CNOT10: variants seen among roughly 807,000 people sequenced by gnomAD.
CNOT10 encodes CCR4-NOT transcription complex subunit 10.
CNOT10 carries 30 observed loss-of-function variants against 94.6 expected under a neutral mutation model. That is an observed-to-expected ratio of 0.32 (90% CI 0.24 to 0.43). The LOEUF (loss-of-function observed/expected upper bound fraction) is 0.43, where lower values mean the gene tolerates loss of function less well. Ranked by LOEUF, CNOT10 falls within the 20% of genes least tolerant of loss-of-function variation. The pLI, the probability that CNOT10 is intolerant of heterozygous loss-of-function variation, is 1.00. For missense variants in CNOT10, 759 were observed against 877.2 expected (o/e 0.87, Z 1.70); for synonymous variants, 289 against 301.6 (o/e 0.96, Z 0.43).
intron 1 of CNOT10, among the ~76,000 whole-genome samples, chr3:32,703,199 C>T: frequency 6.6e-6 from 1 of 150,850 alleles, no homozygotes; most frequent in Non-Finnish European, 1.5e-5. Flanking sequence ...GCTGGGATTA[C>T]AGGCGTGAGC....
At chr3:32,701,468 C>T (rs922727969) in intron 1 of CNOT10, among the ~76,000 whole-genome samples, 2 of 152,082 alleles carry the variant, frequency 1.3e-5, no homozygotes, top group African/African-American at 4.8e-5. Flanking sequence ...GTGTCCCCAA[C>T]CAAATCTCAT....
chr3:32,727,538 C>A, intron 9 of CNOT10, 130 bp from the exon 10 acceptor site: 1 of 649,446 alleles, frequency 1.5e-6, no homozygotes, highest in Non-Finnish European at 2.7e-6. Flanking sequence ...TTGGCGAGAG[C>A]TATTAAAACT....
In CNOT10 at chr3:32,725,573, A is replaced by T; in HGVS notation, c.986A>T (p.Gln329Leu). ...ALQENDNVCA[Q>L]LSAGSTDPGK... ...CAAGAGAATGACAATGTCTGTGCAC[A>T]GCTCAGTGCAGGTAGCACTGATCCA... Residue 329 changes from glutamine (Q) to leucine (L), a missense_variant, in exon 9 of 19, where the codon CAG becomes CTG. Coordinates refer to ENST00000328834, the MANE Select transcript of CNOT10 (RefSeq NM_015442.3). 6.2e-7 allele frequency: 1 copy of T among 1,614,112 alleles called. No homozygotes were observed. The highest frequency in any genetic ancestry group is 1.3e-5 in the African/African-American group (1 of 75,070).
chr3:32,740,639 G>T (rs1699419753), intron 13 of CNOT10, among the ~76,000 whole-genome samples: 1 of 151,944 alleles, frequency 6.6e-6, no homozygotes, highest in Admixed American at 6.6e-5. Flanking sequence ...GAGGCGGGTG[G>T]ATCACAAGGT....
At chr3:32,722,920 C>G (rs1698488814) in intron 8 of CNOT10, among the ~76,000 whole-genome samples, 1 of 152,098 alleles carries the variant, frequency 6.6e-6, no homozygotes, top group Admixed American at 6.6e-5. Flanking sequence ...CCACCGAGCT[C>G]AGTCTAGTTT....
chr3:32,713,467 TTAA>T, intron 5 of CNOT10, 98 bp downstream of exon 5: 4 of 952,614 alleles, frequency 4.2e-6, no homozygotes, highest in South Asian at 1.6e-5. Flanking sequence ...TAAAATATGA[TTAA>T]TGTTTGTGGT....
intron 8 of CNOT10, among the ~76,000 whole-genome samples, chr3:32,723,324 A>G (rs1400363405): frequency 6.6e-6 from 1 of 151,780 alleles, no homozygotes; most frequent in African/African-American, 2.4e-5. Context: ...CCCGGGAGGC[A>G]GAGGTTGCAG....
chr3:32,738,068 A>G (rs1194804633), intron 13 of CNOT10, among the ~76,000 whole-genome samples: 3 of 152,188 alleles, frequency 2.0e-5, no homozygotes, highest in Middle Eastern at 3.2e-3. Context: ...TATGCTGACC[A>G]TATAAATGAG....
intron 14 of CNOT10, among the ~76,000 whole-genome samples, chr3:32,761,281 C>T (rs1468880288): frequency 2.0e-5 from 3 of 152,186 alleles, no homozygotes; most frequent in Non-Finnish European, 4.4e-5. Context: ...TTTGGGTTGC[C>T]TCTAAAGTAC....
At position 32,716,181 on chromosome 3, in the gene CNOT10, C is replaced by A. The variant is rs1698110517; in HGVS notation, c.574-44C>A. ...GGAAATCACTGATTTAAATTATGGT[C>A]AAAAATATTTAATTTTGATAAACTT... On this transcript the variant is annotated intron_variant, in intron 5 of 18. Coordinates refer to ENST00000328834, the MANE Select transcript of CNOT10 (RefSeq NM_015442.3). 3.7e-6 allele frequency: 4 copies of A among 1,079,288 alleles called. No individual in the cohort carries two copies. The South Asian group carries it at 4.9e-5, about 13-fold the overall frequency. The allele number at this position is 1,079,288 out of a possible 1,614,324, so 66.9% of individuals were successfully genotyped here. A position where few individuals can be genotyped will look rare whatever the true frequency, so the allele number is the denominator to read the frequency against.
At chr3:32,760,179 CAAA>C (rs376621393) in intron 14 of CNOT10, among the ~76,000 whole-genome samples, 3 of 133,368 alleles carry the variant, frequency 2.2e-5, no homozygotes. Context: ...GACTCTGTCT[CAAA>C]AAAAAAAAAA....
chr3:32,753,485 C>T, intron 13 of CNOT10: 2 of 1,561,926 alleles, frequency 1.3e-6, no homozygotes, highest in South Asian at 2.2e-5. Context: ...GAACTTCATC[C>T]TATAATACCA....
intron 4 of CNOT10, among the ~76,000 whole-genome samples, chr3:32,712,186 A>G (rs536623452): frequency 1.9e-4 from 28 of 144,360 alleles, no homozygotes; most frequent in African/African-American, 5.2e-4. Flanking sequence ...TTCCATCTCC[A>G]TGACCTAGAA....
In CNOT10 at chr3:32,716,370, A is replaced by G. The variant is rs144659723; in HGVS notation, c.660+59A>G. 4,575 of 814,288 alleles carry G rather than the reference A, an allele frequency of 5.6e-3. 37 individuals carry two copies. Among genetic ancestry groups the G allele is most frequent in the Middle Eastern group, 0.015 (66 of 4,356 alleles). The allele number at this position is 814,288 out of a possible 1,614,324, so 50.4% of individuals were successfully genotyped here. A position where few individuals can be genotyped will look rare whatever the true frequency, so the allele number is the denominator to read the frequency against. ...CATATATTTAATTGTAGTTATGACA[A>G]ATGAAGCAATGAGATAGATCATTGG... On this transcript the variant is annotated intron_variant, in intron 6 of 18. Transcript: ENST00000328834.
intron 4 of CNOT10, among the ~76,000 whole-genome samples, chr3:32,712,597 A>G (rs758446178): frequency 6.6e-6 from 1 of 152,140 alleles, no homozygotes; most frequent in Non-Finnish European, 1.5e-5. Flanking sequence ...CTGTAATCCT[A>G]TCCTTTGTGA....
intron 13 of CNOT10, among the ~76,000 whole-genome samples, chr3:32,746,028 G>A (rs1699682206): frequency 6.6e-6 from 1 of 152,170 alleles, no homozygotes; most frequent in Non-Finnish European, 1.5e-5. Context: ...AGTTAACATG[G>A]ATGAATCTCA....
chr3:32,717,404 T>A (rs75168073), intron 7 of CNOT10, among the ~76,000 whole-genome samples, 167 bp downstream of exon 7: 1 of 128,946 alleles, frequency 7.8e-6, no homozygotes, highest in Non-Finnish European at 1.7e-5. Context: ...TATAGTTTAA[T>A]TTTTTTTTTT....
chr3:32,695,610 A>G (rs1331633760), intron 1 of CNOT10: 1 of 1,535,308 alleles, frequency 6.5e-7, no homozygotes, highest in Non-Finnish European at 8.7e-7. Context: ...ACCTAAAGGC[A>G]ATTGTTTATT....
At chr3:32,772,359 AG>A (rs1371310821) in intron 18 of CNOT10, among the ~76,000 whole-genome samples, 1 of 151,712 alleles carries the variant, frequency 6.6e-6, no homozygotes, top group African/African-American at 2.4e-5. Context: ...AAAAAAAAAA[AG>A]GGACATAAAT....
Sources: allele counts gnomAD v4.1 joint callset (sites outside exome capture counted in the v4.1 genomes callset), GRCh38; gene constraint gnomAD v4.1.1; transcripts MANE v1.5; gene names NCBI Gene and HGNC (gene_info 2026-07-23, HGNC 2026-07-21).